Variants in FBXL2 observed in about 807,000 individuals in gnomAD.
FBXL2 encodes the protein F-box and leucine rich repeat protein 2, also known as F-box/LRR-repeat protein 2.
FBXL2 carries 38 observed loss-of-function variants against 69.2 expected under a neutral mutation model. The ratio of observed to expected loss-of-function variants is 0.55; its 90% CI spans 0.42 to 0.72. FBXL2 has a LOEUF of 0.72. FBXL2 is among the 30% of genes least tolerant of loss of function. The pLI is 0.00. For missense variants in FBXL2, 354 were observed against 520.3 expected, an observed-to-expected ratio of 0.68 and a Z score of 3.11; for synonymous variants, 192 against 201.3, an observed-to-expected ratio of 0.95 and a Z score of 0.39.
intron 5 of FBXL2, among the ~76,000 whole-genome samples, chr3:33,370,094 ATC>A (rs1418335839): frequency 6.6e-6 from 1 of 152,020 alleles, no homozygotes; most frequent in Non-Finnish European, 1.5e-5. Context: ...GTCTAAAAAA[ATC>A]TGTTTTTTCC....
chr3:33,379,136 G>A lies in FBXL2; in HGVS notation c.951+395G>A, dbSNP rs373884550. On this transcript the variant is annotated intron_variant, in intron 13 of 14. Coordinates refer to ENST00000484457, the MANE Select transcript of FBXL2 (RefSeq NM_012157.5). Reference sequence around the variant, plus strand: ...AATTCTCCTCCTCAGCCTTGCGGGGGGATTACAAACATGCGCCACCATGCC... The same window carrying A: ...AATTCTCCTCCTCAGCCTTGCGGGGAGATTACAAACATGCGCCACCATGCC... Among the ~76,000 whole-genome samples, 7 of 152,050 alleles carry A rather than the reference G, an allele frequency of 4.6e-5. No individual in the cohort carries two copies. The South Asian group carries it at 1.5e-3, about 32-fold the overall frequency.
At chr3:33,323,341 G>A (rs1381172581) in intron 2 of FBXL2, among the ~76,000 whole-genome samples, 1 of 151,932 alleles carries the variant, frequency 6.6e-6, no homozygotes, top group Non-Finnish European at 1.5e-5. Flanking sequence ...TTTAAGTTCT[G>A]GGATACATGT....
chr3:33,395,673 T>A (rs117101101), intron 12 of FBXL2, among the ~76,000 whole-genome samples: 2 of 146,950 alleles, frequency 1.4e-5, no homozygotes, highest in Non-Finnish European at 3.0e-5. Context: ...GTCCACACAC[T>A]TAGGACTATT....
intron 12 of FBXL2, chr3:33,402,938 G>T: frequency 1.3e-6 from 2 of 1,520,940 alleles, no homozygotes; most frequent in Non-Finnish European, 1.8e-6. Flanking sequence ...TTAGTGATAT[G>T]CTTTTAAAAT....
intron 1 of FBXL2, among the ~76,000 whole-genome samples, chr3:33,277,998 T>G (rs1559475036): frequency 6.6e-6 from 1 of 152,058 alleles, no homozygotes. Flanking sequence ...TTCTGATAGG[T>G]TTTTTAGCAC....
At chr3:33,417,317 C>T in the FBXL2 span, among the ~76,000 whole-genome samples, 2 of 150,640 alleles carry the variant, frequency 1.3e-5, no homozygotes, top group African/African-American at 2.4e-5. Context: ...CAACTGCTAG[C>T]GATCACCAAT....
Position 33,373,082 on chromosome 3 carries a change from C to T in FBXL2, c.291-10C>T, listed in dbSNP as rs904047819. The T allele has an allele frequency of 6.2e-7, 1 of 1,613,168 alleles. No homozygotes were observed. Among genetic ancestry groups the T allele is most frequent in the Non-Finnish European group, 8.5e-7 (1 of 1,179,082 alleles). On this transcript the variant is annotated splice_polypyrimidine_tract_variant and intron_variant, in intron 5 of 14. Transcript: ENST00000484457. The stretch of plus-strand genomic sequence containing the variant: ...CTTGCAGGGAGCTTTAAAATGTTTT[C>T]TCATTTTAGGACCTTTGCACAGAAC...
intron 2 of FBXL2, among the ~76,000 whole-genome samples, chr3:33,350,084 T>C (rs894627184): frequency 2.0e-5 from 3 of 151,866 alleles, no homozygotes; most frequent in African/African-American, 7.3e-5. Flanking sequence ...TATAAAAATA[T>C]TACAAAAAAG....
chr3:33,393,233 G>A, intron 12 of FBXL2: 1 of 1,392,616 alleles, frequency 7.2e-7, no homozygotes, highest in Non-Finnish European at 9.6e-7. Context: ...AGAGGTCACA[G>A]AATTTTTCTA....
intron 2 of FBXL2, among the ~76,000 whole-genome samples, chr3:33,310,449 T>C (rs1451303064): frequency 6.6e-6 from 1 of 152,022 alleles, no homozygotes; most frequent in Non-Finnish European, 1.5e-5. Context: ...CACCATGCCC[T>C]GCTTCTTAAT....
intron 2 of FBXL2, among the ~76,000 whole-genome samples, chr3:33,325,725 T>A (rs2038636440): frequency 6.6e-6 from 1 of 152,208 alleles, no homozygotes; most frequent in South Asian, 2.1e-4. Context: ...TTAAAATGTT[T>A]TTTTAAAAAA....
At chr3:33,295,625 T>G (rs774841685) in intron 1 of FBXL2, among the ~76,000 whole-genome samples, 1 of 152,228 alleles carries the variant, frequency 6.6e-6, no homozygotes, top group Non-Finnish European at 1.5e-5. Flanking sequence ...TGCTGGGTCA[T>G]ATGGTAACTC....
At chr3:33,279,264 A>G (rs2033686005) in intron 1 of FBXL2, among the ~76,000 whole-genome samples, 1 of 151,566 alleles carries the variant, frequency 6.6e-6, no homozygotes, top group Non-Finnish European at 1.5e-5. Flanking sequence ...TCATCCCCAA[A>G]ACTGTATTCT....
At chr3:33,328,962 A>G (rs577896338) in intron 2 of FBXL2, among the ~76,000 whole-genome samples, 1 of 152,156 alleles carries the variant, frequency 6.6e-6, no homozygotes, top group African/African-American at 2.4e-5. Flanking sequence ...ATGGGACTAA[A>G]TGTTTGCAAA....
chr3:33,390,545 T>C, downstream of FBXL2: 4 of 659,664 alleles, frequency 6.1e-6, no homozygotes, highest in Non-Finnish European at 5.3e-6. Context: ...AAAAACTTCA[T>C]GTACACATTC....
the FBXL2 span, chr3:33,412,626 TC>T: frequency 2.4e-6 from 2 of 818,170 alleles, no homozygotes; most frequent in South Asian, 3.2e-5. Flanking sequence ...ACCAAAACTT[TC>T]CCCACACAAG....
At position 33,400,858 on chromosome 3, in the gene FBXL2, A is replaced by G. The variant is rs1230050767; in HGVS notation, n.1215-2376A>G. ...ACTCGATTACCACACATTACCATACATGTAACAAAACTTCTCACCTACTCC... is the reference window on the plus strand; with the variant it reads ...ACTCGATTACCACACATTACCATACGTGTAACAAAACTTCTCACCTACTCC... On this transcript the variant is annotated intron_variant and non_coding_transcript_variant, in intron 12 of 12. Coordinates refer to the FBXL2 transcript ENST00000463736. 3.7e-6 allele frequency: 4 copies of G among 1,091,140 alleles called. No individual in the cohort carries two copies. The East Asian group carries it at 1.0e-4, about 28-fold the overall frequency. 67.6% of individuals were successfully genotyped at this position (1,091,140 alleles called of 1,614,324 possible).
chr3:33,412,652 A>C, the FBXL2 span: 1 of 1,037,104 alleles, frequency 9.6e-7, no homozygotes, highest in Non-Finnish European at 1.5e-6. Flanking sequence ...TCATGATGCC[A>C]ACACAACACA....
intron 12 of FBXL2, chr3:33,400,168 T>TAC (rs774106895): frequency 5.5e-6 from 8 of 1,444,194 alleles, no homozygotes; most frequent in South Asian, 2.8e-5. Flanking sequence ...CATGCACAGA[T>TAC]ACACACACAC....
Sources: gnomAD v4.1 joint callset for allele counts (sites outside exome capture counted in the v4.1 genomes callset) on GRCh38, gnomAD v4.1.1 for gene constraint, MANE v1.5 for transcripts, NCBI Gene and HGNC (gene_info 2026-07-23, HGNC 2026-07-21) for gene names.